Variants in CACNA1C observed in about 807,000 individuals in gnomAD.
CACNA1C encodes the protein calcium voltage-gated channel subunit alpha1 C.
CACNA1C carries 30 observed loss-of-function variants against 229.0 expected under a neutral mutation model. That is an observed-to-expected ratio of 0.13 (90% CI 0.10 to 0.18). The LOEUF (loss-of-function observed/expected upper bound fraction) is 0.18. CACNA1C is among the 10% of genes least tolerant of loss of function. CACNA1C has a pLI of 1.00. For missense variants in CACNA1C, 1,658 were observed against 2,845.0 expected (o/e 0.58, Z 9.49); for synonymous variants, 1,114 against 1,132.5 (o/e 0.98, Z 0.33).
chr12:2,326,837 G>A (rs758441144), intron 3 of CACNA1C, among the ~76,000 whole-genome samples: 1 of 152,198 alleles, frequency 6.6e-6, no homozygotes, highest in Non-Finnish European at 1.5e-5. Context: ...CCTGAGAGAC[G>A]ATCTGGTTCA....
chr12:2,364,506 G>A (rs924589308), intron 3 of CACNA1C, among the ~76,000 whole-genome samples: 1 of 152,200 alleles, frequency 6.6e-6, no homozygotes, highest in Non-Finnish European at 1.5e-5. Context: ...TTATGTTGTG[G>A]AAATGTGACT....
Position 2,115,511 on chromosome 12 carries a change from A to G in CACNA1C, c.337A>G (p.Ile113Val). Residue 113 changes from isoleucine to valine, a missense_variant, in exon 2 of 47, where the codon ATC becomes GTC. Physicochemically the swap from Ile to Val is conservative, Grantham distance 29. Around this residue, in one of 20 missense-constraint regions of CACNA1C, gnomAD observed 89 missense variants for 177.8 expected, o/e 0.50. Coordinates refer to ENST00000399655, the MANE Select transcript of CACNA1C (RefSeq NM_000719.7). ...ALLCLTLKNP[I>V]RRACISIVEW... ...GCTCTGCCTGACCCTGAAGAACCCC[A>G]TCCGGAGGGCCTGCATCAGCATTGT... 1 of 1,613,516 alleles carries G rather than the reference A, an allele frequency of 6.2e-7. No individual in the cohort carries two copies. The highest frequency in any genetic ancestry group is 8.5e-7 in the Non-Finnish European group (1 of 1,179,892).
intron 3 of CACNA1C, among the ~76,000 whole-genome samples, chr12:2,148,052 G>A (rs1455180646): frequency 6.6e-6 from 1 of 151,154 alleles, no homozygotes; most frequent in East Asian, 1.9e-4. Flanking sequence ...TATAAAACCT[G>A]TCAAATTTTT....
At chr12:2,146,428 G>A (rs1231745098) in intron 3 of CACNA1C, among the ~76,000 whole-genome samples, 1 of 151,284 alleles carries the variant, frequency 6.6e-6, no homozygotes, top group African/African-American at 2.4e-5. Context: ...TTGAGTAGCA[G>A]TATGTGGCAA....
intron 3 of CACNA1C, among the ~76,000 whole-genome samples, chr12:2,306,957 C>A (rs2095079054): frequency 6.6e-6 from 1 of 152,210 alleles, no homozygotes; most frequent in Non-Finnish European, 1.5e-5. Flanking sequence ...GCTGTTGGCA[C>A]TTCCCCAGCC....
intron 7 of CACNA1C, among the ~76,000 whole-genome samples, chr12:2,496,489 C>T (rs548462813): frequency 1.3e-4 from 20 of 152,166 alleles, no homozygotes; most frequent in Non-Finnish European, 2.5e-4. Context: ...ATTGGTCAGC[C>T]GCTGGTTATG....
chr12:2,475,879 A>G (rs1315847808), intron 5 of CACNA1C, among the ~76,000 whole-genome samples: 3 of 152,176 alleles, frequency 2.0e-5, no homozygotes, highest in Non-Finnish European at 4.4e-5. Flanking sequence ...GGGCTGCTGT[A>G]TAGCTGGTGG....
intron 3 of CACNA1C, among the ~76,000 whole-genome samples, chr12:2,278,471 C>G (rs909460089): frequency 6.6e-6 from 1 of 152,058 alleles, no homozygotes; most frequent in African/African-American, 2.4e-5. Context: ...TTTATATTTT[C>G]TATTGTTTTA....
chr12:2,452,436 C>G (rs1187816114), intron 4 of CACNA1C, among the ~76,000 whole-genome samples: 1 of 152,156 alleles, frequency 6.6e-6, no homozygotes, highest in South Asian at 2.1e-4. Flanking sequence ...GAGGCCCTGC[C>G]TTTCCCATTC....
chr12:2,182,986 G>C (rs980580337), intron 3 of CACNA1C, among the ~76,000 whole-genome samples: 5 of 152,044 alleles, frequency 3.3e-5, no homozygotes, highest in Admixed American at 1.3e-4. Context: ...CCTCTTAAAT[G>C]GGGATATCAC....
chr12:2,372,734 C>T (rs1476100721), intron 3 of CACNA1C, among the ~76,000 whole-genome samples: 1 of 152,334 alleles, frequency 6.6e-6, no homozygotes, highest in South Asian at 2.1e-4. Context: ...TTTCCAAGGC[C>T]CATCCATCCG....
intron 3 of CACNA1C, among the ~76,000 whole-genome samples, chr12:2,253,046 C>T (rs1288671961): frequency 1.3e-5 from 2 of 152,152 alleles, no homozygotes; most frequent in Non-Finnish European, 2.9e-5. Context: ...TCCCACTTTT[C>T]CCTGTCTCTT....
intron 1 of CACNA1C, among the ~76,000 whole-genome samples, chr12:2,022,682 T>C (rs1292774018): frequency 2.6e-5 from 4 of 152,108 alleles, no homozygotes; most frequent in African/African-American, 9.7e-5. Flanking sequence ...TGGGCTCAAA[T>C]GATCCTCCCG....
intron 9 of CACNA1C, among the ~76,000 whole-genome samples, chr12:2,544,418 C>T (rs1207491353): frequency 1.3e-5 from 2 of 152,172 alleles, no homozygotes; most frequent in African/African-American, 2.4e-5. Flanking sequence ...TGGTGCAGCC[C>T]ACAAGTTCAG....
At chr12:2,468,151 TCAA>T (rs1163161476) in intron 5 of CACNA1C, among the ~76,000 whole-genome samples, 3 of 152,194 alleles carry the variant, frequency 2.0e-5, no homozygotes, top group Admixed American at 6.5e-5. Flanking sequence ...TTACTGAGTA[TCAA>T]CAACAGTATG....
chr12:2,558,839 C>A (rs554095854), intron 11 of CACNA1C, among the ~76,000 whole-genome samples: 9 of 152,188 alleles, frequency 5.9e-5, no homozygotes, highest in Non-Finnish European at 1.2e-4. Flanking sequence ...GGCTTTTTTC[C>A]CAATCCTTGT....
At chr12:2,153,066 G>A (rs528504325) in intron 3 of CACNA1C, among the ~76,000 whole-genome samples, 5 of 152,334 alleles carry the variant, frequency 3.3e-5, no homozygotes, top group Admixed American at 2.6e-4. Context: ...GATCAGCAGA[G>A]TGAAGGGCTA....
intron 3 of CACNA1C, among the ~76,000 whole-genome samples, chr12:2,257,991 G>A (rs1483324034): frequency 6.6e-6 from 1 of 152,194 alleles, no homozygotes; most frequent in African/African-American, 2.4e-5. Flanking sequence ...CCTTCAGCAC[G>A]TGCACTCCCA....
intron 5 of CACNA1C, among the ~76,000 whole-genome samples, chr12:2,458,842 T>C (rs945198707): frequency 1.3e-5 from 2 of 152,190 alleles, no homozygotes; most frequent in African/African-American, 4.8e-5. Flanking sequence ...TTCCTGTGAC[T>C]TTAATTAACT....
Sources: gnomAD v4.1 joint callset for allele counts (sites outside exome capture counted in the v4.1 genomes callset) on GRCh38, gnomAD v4.1.1 for gene constraint, gnomAD v4.1.1 regional missense constraint, MANE v1.5 for transcripts, NCBI Gene and HGNC (gene_info 2026-07-23, HGNC 2026-07-21) for gene names.